Variants in CORO2B observed in about 807,000 individuals in gnomAD.
CORO2B encodes coronin-2B.
CORO2B carries 26 observed loss-of-function variants against 58.8 expected under a neutral mutation model. The observed-to-expected ratio is 0.44, with a 90% CI of 0.32 to 0.61. The LOEUF (loss-of-function observed/expected upper bound fraction) is 0.61. Among genes scored for constraint, CORO2B ranks in the 20% least tolerant of loss-of-function variants. The probability of loss-of-function intolerance (pLI) is 0.04; values close to 1 mark genes in which losing one functional copy is unlikely to be tolerated. For missense variants in CORO2B, 460 were observed against 645.1 expected (o/e 0.71, Z 3.11); for synonymous variants, 242 against 253.8 (o/e 0.95, Z 0.44).
intron 1 of CORO2B, among the ~76,000 whole-genome samples, chr15:68,625,238 A>G (rs895654998): frequency 1.3e-5 from 2 of 151,100 alleles, no homozygotes; most frequent in East Asian, 1.9e-4. Flanking sequence ...AACTTTCTCT[A>G]TCTAGAATGG....
intron 1 of CORO2B, among the ~76,000 whole-genome samples, chr15:68,620,262 C>G (rs998225583): frequency 1.3e-5 from 2 of 152,130 alleles, no homozygotes; most frequent in African/African-American, 2.4e-5. Context: ...GTAGCTAGGA[C>G]ATCAAACTGT....
intron 1 of CORO2B, among the ~76,000 whole-genome samples, chr15:68,605,117 GAAA>G (rs141021846): frequency 2.4e-5 from 3 of 124,526 alleles, no homozygotes; most frequent in South Asian, 2.6e-4. Flanking sequence ...CCGTCTCAAG[GAAA>G]AAAAAAAAAA....
chr15:68,678,349 C>T (rs981091326), intron 2 of CORO2B, among the ~76,000 whole-genome samples: 3 of 152,094 alleles, frequency 2.0e-5, no homozygotes, highest in African/African-American at 7.2e-5. Flanking sequence ...ACACTGAGCC[C>T]CCAGAAGGGT....
chr15:68,684,532 G>A (rs1329388820), intron 2 of CORO2B, among the ~76,000 whole-genome samples: 1 of 152,242 alleles, frequency 6.6e-6, no homozygotes, highest in Non-Finnish European at 1.5e-5. Flanking sequence ...GCATATACAT[G>A]TGTATGTTGC....
the CORO2B span, among the ~76,000 whole-genome samples, chr15:68,532,768 A>G: frequency 4.6e-5 from 7 of 152,170 alleles, no homozygotes; most frequent in Admixed American, 6.5e-5. Flanking sequence ...GTTGGGAAGG[A>G]GGGTAAATTG....
chr15:68,690,254 A>G (rs1450416776), intron 2 of CORO2B, among the ~76,000 whole-genome samples: 1 of 152,098 alleles, frequency 6.6e-6, no homozygotes, highest in African/African-American at 2.4e-5. Flanking sequence ...TTTTCTCTGG[A>G]GACCCAGTTG....
rs371313642 is a variant in CORO2B at position 68,718,950 on chromosome 15, G to A, written c.1080+140G>A. On this transcript the variant is annotated intron_variant, in intron 9 of 11. Coordinates refer to ENST00000261861, the MANE Select transcript of CORO2B (RefSeq NM_006091.5). ...CTTCAAACCTAATTTGGGGTGAGGGGCATTCTCAGATGGGGACAGTTGGGT... is the reference window on the plus strand; with the variant it reads ...CTTCAAACCTAATTTGGGGTGAGGGACATTCTCAGATGGGGACAGTTGGGT... 61 of 858,698 alleles carry A rather than the reference G, an allele frequency of 7.1e-5. No homozygotes were observed. The African/African-American group carries it at 7.8e-4, about 11-fold the overall frequency. 53.2% of individuals were successfully genotyped at this position (858,698 alleles called of 1,614,324 possible).
chr15:68,623,486 C>T (rs962614802), intron 1 of CORO2B, among the ~76,000 whole-genome samples: 2 of 152,164 alleles, frequency 1.3e-5, no homozygotes, highest in African/African-American at 4.8e-5. Context: ...CCTCCTCACC[C>T]CCACCCCACC....
chr15:68,722,207 C>T (rs1267260618), intron 11 of CORO2B, among the ~76,000 whole-genome samples: 4 of 152,282 alleles, frequency 2.6e-5, no homozygotes, highest in Admixed American at 6.5e-5. Flanking sequence ...AGCAATATTT[C>T]GCTGTAGACT....
At chr15:68,604,003 C>G (rs1900045215) in intron 1 of CORO2B, among the ~76,000 whole-genome samples, 1 of 152,168 alleles carries the variant, frequency 6.6e-6, no homozygotes, top group Non-Finnish European at 1.5e-5. Flanking sequence ...GGAGGTTCAG[C>G]ATAAGAGCCC....
the CORO2B span, among the ~76,000 whole-genome samples, chr15:68,518,966 T>A: frequency 1.3e-5 from 2 of 152,266 alleles, no homozygotes; most frequent in African/African-American, 4.8e-5. Context: ...TCAGATAACG[T>A]GCCCCAGTTG....
At chr15:68,671,442 A>T (rs1902392411) in intron 2 of CORO2B, among the ~76,000 whole-genome samples, 1 of 152,174 alleles carries the variant, frequency 6.6e-6, no homozygotes, top group African/African-American at 2.4e-5. Flanking sequence ...AAAATCTGAG[A>T]TGATAATGCC....
At chr15:68,684,703 T>C (rs1013455824) in intron 2 of CORO2B, among the ~76,000 whole-genome samples, 16 of 152,230 alleles carry the variant, frequency 1.1e-4, no homozygotes, top group African/African-American at 3.9e-4. Flanking sequence ...CCAAGTGGTG[T>C]GACCAGGGGC....
chr15:68,540,532 TG>T, the CORO2B span, among the ~76,000 whole-genome samples: 1 of 152,190 alleles, frequency 6.6e-6, no homozygotes, highest in African/African-American at 2.4e-5. Context: ...CAATGAAAAA[TG>T]TGCAGTTTAG....
At chr15:68,705,574 C>T (rs1892765386) in intron 3 of CORO2B, among the ~76,000 whole-genome samples, 1 of 152,174 alleles carries the variant, frequency 6.6e-6, no homozygotes, top group Admixed American at 6.5e-5. Flanking sequence ...CTGAGTCCCT[C>T]AAGCCCTGCC....
intron 1 of CORO2B, among the ~76,000 whole-genome samples, chr15:68,603,227 G>T (rs1900026759): frequency 6.6e-6 from 1 of 152,168 alleles, no homozygotes; most frequent in Non-Finnish European, 1.5e-5. Flanking sequence ...GTCGCAGTAG[G>T]TGCTTACTAA....
the CORO2B span, among the ~76,000 whole-genome samples, chr15:68,563,158 A>G: frequency 6.6e-6 from 1 of 151,470 alleles, no homozygotes; most frequent in Non-Finnish European, 1.5e-5. Flanking sequence ...AGCAAACTAA[A>G]CCCAAAGCAA....
At chr15:68,660,382 C>CT (rs1566999138) in intron 2 of CORO2B, among the ~76,000 whole-genome samples, 1 of 152,040 alleles carries the variant, frequency 6.6e-6, no homozygotes, top group Non-Finnish European at 1.5e-5. Flanking sequence ...AGATTCATAT[C>CT]TTTTTTTTGG....
chr15:68,662,794 A>C (rs907787938), intron 2 of CORO2B, among the ~76,000 whole-genome samples: 1 of 152,252 alleles, frequency 6.6e-6, no homozygotes, highest in Non-Finnish European at 1.5e-5. Context: ...GACACCATGT[A>C]TGATCTGAAA....
Sources: allele counts gnomAD v4.1 joint callset (sites outside exome capture counted in the v4.1 genomes callset), GRCh38; gene constraint gnomAD v4.1.1; transcripts MANE v1.5; gene names NCBI Gene and HGNC (gene_info 2026-07-23, HGNC 2026-07-21).